The following ATP9B variants were observed in gnomAD, a reference collection of about 807,000 sequenced individuals.
ATP9B encodes the protein ATPase phospholipid transporting 9B.
A neutral mutation model predicts 146.1 loss-of-function variants in ATP9B; 110 were observed. The ratio of observed to expected loss-of-function variants is 0.75; its 90% CI spans 0.65 to 0.88. The LOEUF is 0.88. Ranked by LOEUF, ATP9B falls within the 40% of genes least tolerant of loss-of-function variation. ATP9B has a pLI of 0.00. For missense variants in ATP9B, 1,499 were observed against 1,496.4 expected, an observed-to-expected ratio of 1.00 and a Z score of -0.03; for synonymous variants, 604 against 569.7, an observed-to-expected ratio of 1.06 and a Z score of -0.86.
chr18:79,377,509 G>A lies in ATP9B; in HGVS notation c.*126G>A, dbSNP rs932675268. 4 of 1,261,904 alleles carry A rather than the reference G, an allele frequency of 3.2e-6. No homozygotes were observed. The highest frequency in any genetic ancestry group is 3.3e-6 in the Non-Finnish European group (3 of 920,604). The allele number at this position is 1,261,904 out of a possible 1,614,324, so 78.2% of individuals were successfully genotyped here. On this transcript the variant is annotated 3_prime_UTR_variant, in exon 30 of 30. Coordinates refer to ENST00000426216, the MANE Select transcript of ATP9B (RefSeq NM_198531.5). ...AAGCACCACAAGAAAGGGAGGGTAC[G>A]CCAGGCGAGCCCAGGGCACAGATGC...
intron 11 of ATP9B, among the ~76,000 whole-genome samples, chr18:79,223,334 CTT>C (rs1196131394): frequency 2.0e-5 from 3 of 151,920 alleles, no homozygotes; most frequent in African/African-American, 4.8e-5. Flanking sequence ...AATAAAATAA[CTT>C]ATTTTTATCT....
chr18:79,197,038 G>C (rs2095423671), intron 9 of ATP9B, among the ~76,000 whole-genome samples: 1 of 152,048 alleles, frequency 6.6e-6, no homozygotes, highest in Non-Finnish European at 1.5e-5. Context: ...ATTTTTATTT[G>C]AGCATATATA....
chr18:79,174,352 A>G (rs1056352748), intron 7 of ATP9B, among the ~76,000 whole-genome samples: 5 of 152,144 alleles, frequency 3.3e-5, no homozygotes, highest in Non-Finnish European at 2.9e-5. Context: ...GTATAATTTG[A>G]TTGCATTAAC....
intron 25 of ATP9B, among the ~76,000 whole-genome samples, chr18:79,354,747 A>G (rs2096941513): frequency 6.6e-6 from 1 of 152,136 alleles, no homozygotes; most frequent in Non-Finnish European, 1.5e-5. Flanking sequence ...GCGAGGCGGC[A>G]GGAGCTCCCC....
chr18:79,163,869 T>TACACACACACACACACACAC lies in ATP9B; in HGVS notation c.778+9332_778+9351dup, dbSNP rs56408063. ...TATTTTATTTTCATATTTTATTTTA[T>TACACACACACACACACACAC]ACACACACACACACACACACACACA... On this transcript the variant is annotated intron_variant, in intron 7 of 29. Transcript: ENST00000426216. 4.2e-3 allele frequency among the ~76,000 whole-genome samples: 605 copies of TACACACACACACACACACAC among 142,766 alleles called. 2 individuals carry two copies. The highest frequency in any genetic ancestry group is 7.6e-3 in the Non-Finnish European group (497 of 65,694). The allele number at this position is 142,766 out of a possible 152,430, so 93.7% of individuals were successfully genotyped here.
chr18:79,187,333 A>C (rs559651836), intron 8 of ATP9B, among the ~76,000 whole-genome samples: 1 of 152,274 alleles, frequency 6.6e-6, no homozygotes, highest in African/African-American at 2.4e-5. Flanking sequence ...CATCTCTGAT[A>C]CGTGGGTTCC....
At position 79,327,791 on chromosome 18, in the gene ATP9B, G is replaced by A. The variant is rs79661052; in HGVS notation, c.1774-1350G>A. ...GTGGTTAACGTGCTCTCCGTGGTTA[G>A]CGTGCTCTCCGTGGTTAGCGTGTTC... On this transcript the variant is annotated intron_variant, in intron 15 of 29. Coordinates refer to ENST00000426216, the MANE Select transcript of ATP9B (RefSeq NM_198531.5). Among the ~76,000 whole-genome samples, 383 of 95,658 alleles carry A rather than the reference G, an allele frequency of 4.0e-3. 80 individuals carry two copies. Among genetic ancestry groups the A allele is most frequent in the Admixed American group, 7.1e-3 (68 of 9,552 alleles). The allele number at this position is 95,658 out of a possible 152,430, so 62.8% of individuals were successfully genotyped here. A position where few individuals can be genotyped will look rare whatever the true frequency, so the allele number is the denominator to read the frequency against.
chr18:79,326,623 A>G (rs1017945639), intron 15 of ATP9B, among the ~76,000 whole-genome samples: 1 of 152,066 alleles, frequency 6.6e-6, no homozygotes, highest in South Asian at 2.1e-4. Context: ...ATCTCTGCAC[A>G]CTCCGTCCCC....
At chr18:79,165,470 C>G (rs965343219) in intron 7 of ATP9B, among the ~76,000 whole-genome samples, 1 of 152,230 alleles carries the variant, frequency 6.6e-6, no homozygotes, top group African/African-American at 2.4e-5. Flanking sequence ...AACAGTGTCT[C>G]TAGAAGTTGC....
chr18:79,265,929 G>A (rs1294621346), intron 12 of ATP9B, among the ~76,000 whole-genome samples: 2 of 152,190 alleles, frequency 1.3e-5, no homozygotes, highest in African/African-American at 2.4e-5. Flanking sequence ...GTGTAAAGAA[G>A]GGGTCCGGTT....
intron 7 of ATP9B, among the ~76,000 whole-genome samples, chr18:79,165,106 G>A (rs751004334): frequency 2.6e-5 from 4 of 152,186 alleles, no homozygotes; most frequent in Non-Finnish European, 5.9e-5. Context: ...AGGCTTTCAC[G>A]TATTTTCCCT....
intron 2 of ATP9B, among the ~76,000 whole-genome samples, chr18:79,107,807 C>T (rs2075754784): frequency 6.6e-6 from 1 of 152,166 alleles, no homozygotes; most frequent in Admixed American, 6.5e-5. Context: ...TGCCTGTTGT[C>T]AGCTCAGTGA....
At chr18:79,227,903 T>G (rs565763268) in intron 11 of ATP9B, among the ~76,000 whole-genome samples, 132 of 152,368 alleles carry the variant, frequency 8.7e-4, no homozygotes, top group Non-Finnish European at 1.3e-3. Context: ...CAGCAACACA[T>G]TGAACTGCCC....
intron 1 of ATP9B, among the ~76,000 whole-genome samples, chr18:79,090,262 C>A (rs969171584): frequency 6.6e-6 from 1 of 152,126 alleles, no homozygotes; most frequent in Non-Finnish European, 1.5e-5. Flanking sequence ...TTGATAACAT[C>A]GATTTCCTTT....
At chr18:79,099,246 G>A (rs973608578) in intron 2 of ATP9B, among the ~76,000 whole-genome samples, 5 of 150,778 alleles carry the variant, frequency 3.3e-5, no homozygotes, top group South Asian at 2.1e-4. Flanking sequence ...TTCTTGAGAC[G>A]GAGTCTTGCT....
chr18:79,262,299 T>TATAGA (rs2096151337), intron 12 of ATP9B, among the ~76,000 whole-genome samples: 1 of 152,154 alleles, frequency 6.6e-6, no homozygotes, highest in South Asian at 2.1e-4. Flanking sequence ...AAAAAATACT[T>TATAGA]TTCTATAATT....
intron 4 of ATP9B, among the ~76,000 whole-genome samples, chr18:79,122,897 A>G (rs1222233630): frequency 6.6e-6 from 1 of 152,116 alleles, no homozygotes; most frequent in Non-Finnish European, 1.5e-5. Flanking sequence ...TCCCTATTGT[A>G]TATTCTTCAC....
rs765629527 is a variant in ATP9B, at chr18:79,218,086, C to T, written c.1107+4048C>T. Among the ~76,000 whole-genome samples, 4 of 152,224 alleles carry T rather than the reference C, an allele frequency of 2.6e-5. No individual in the cohort carries two copies. The East Asian group carries it at 7.7e-4, about 29-fold the overall frequency. On this transcript the variant is annotated intron_variant, in intron 11 of 29. Transcript: ENST00000426216. ...TCTGATAATAAAGTGCCTCATACTCCGCAGTGGCTTCCCCAGCGTTGTGTT... is the reference window on the plus strand; with the variant it reads ...TCTGATAATAAAGTGCCTCATACTCTGCAGTGGCTTCCCCAGCGTTGTGTT...
At chr18:79,114,657 C>T (rs533533976) in intron 4 of ATP9B, among the ~76,000 whole-genome samples, 46 of 152,142 alleles carry the variant, frequency 3.0e-4, no homozygotes, top group South Asian at 1.0e-3. Context: ...AATATAAACA[C>T]GAAATTACTA....
Sources: gnomAD v4.1 joint callset for allele counts (sites outside exome capture counted in the v4.1 genomes callset) on GRCh38, gnomAD v4.1.1 for gene constraint, MANE v1.5 for transcripts, NCBI Gene and HGNC (gene_info 2026-07-23, HGNC 2026-07-21) for gene names.